Variants in DNAH11 observed in about 807,000 individuals in gnomAD.
DNAH11 encodes the protein dynein axonemal heavy chain 11, also known as axonemal beta dynein heavy chain 11.
A neutral mutation model predicts 526.0 loss-of-function variants in DNAH11; 442 were observed. The observed-to-expected ratio is 0.84, with a 90% CI of 0.78 to 0.91. DNAH11 has a LOEUF of 0.91. DNAH11 is among the 40% of genes least tolerant of loss of function. The pLI is 0.00. For missense variants in DNAH11, 6,989 were observed against 5,448.7 expected (o/e 1.28, Z -8.90); for synonymous variants, 2,461 against 1,935.9 (o/e 1.27, Z -7.12).
intron 46 of DNAH11, 108 bp downstream of exon 46, chr7:21,735,952 G>T (rs989036485): frequency 9.5e-7 from 1 of 1,047,412 alleles, no homozygotes. Context: ...TAGAGTTGTT[G>T]CTTGGGCCTT....
chr7:21,774,282 C>G (rs1217272441), intron 56 of DNAH11, among the ~76,000 whole-genome samples: 1 of 152,136 alleles, frequency 6.6e-6, no homozygotes, highest in Non-Finnish European at 1.5e-5. Context: ...TCTCTTGTCT[C>G]TGACTTCTTC....
At chr7:21,622,017 G>A (rs899162976) in intron 25 of DNAH11, among the ~76,000 whole-genome samples, 5 of 152,132 alleles carry the variant, frequency 3.3e-5, no homozygotes, top group African/African-American at 9.7e-5. Context: ...TAGGAAAAGA[G>A]GAAGTCAAAT....
At chr7:21,893,324 C>G (rs1784394860) in intron 77 of DNAH11, among the ~76,000 whole-genome samples, 4 of 150,030 alleles carry the variant, frequency 2.7e-5, no homozygotes, top group Admixed American at 2.7e-4. Flanking sequence ...TCCACTTGCT[C>G]TATCTTTTTT....
chr7:21,627,559 G>C (rs1214257193), intron 25 of DNAH11, among the ~76,000 whole-genome samples: 1 of 152,008 alleles, frequency 6.6e-6, no homozygotes, highest in Non-Finnish European at 1.5e-5. Flanking sequence ...GTATGTTCTT[G>C]GCACCTTAGT....
At position 21,739,553 on chromosome 7, in the gene DNAH11, C is replaced by T. The variant is rs147865931; in HGVS notation, c.7812-18C>T. 2 of 1,600,566 alleles carry T rather than the reference C, an allele frequency of 1.2e-6. No homozygotes were observed. The highest frequency in any genetic ancestry group is 2.3e-5 in the South Asian group (2 of 88,022). ...ATCTCCAGTTTTTGGATTTAAGGTT[C>T]TGTTTTCTGTCTTTCAGGTATGATA... On this transcript the variant is annotated intron_variant, in intron 47 of 81. Coordinates refer to ENST00000409508, the MANE Select transcript of DNAH11 (RefSeq NM_001277115.2).
intron 68 of DNAH11, among the ~76,000 whole-genome samples, chr7:21,861,042 T>C (rs1226609820): frequency 6.6e-6 from 1 of 152,172 alleles, no homozygotes; most frequent in Non-Finnish European, 1.5e-5. Flanking sequence ...GGAGCTATAA[T>C]TCAAGATGAG....
chr7:21,768,551 A>C (rs1008098314), intron 55 of DNAH11, among the ~76,000 whole-genome samples: 1 of 152,202 alleles, frequency 6.6e-6, no homozygotes, highest in Non-Finnish European at 1.5e-5. Flanking sequence ...CATGTTGACC[A>C]ACCGATGAGT....
At chr7:21,655,372 G>A (rs1781969378) in intron 28 of DNAH11, among the ~76,000 whole-genome samples, 1 of 152,186 alleles carries the variant, frequency 6.6e-6, no homozygotes. Flanking sequence ...ATCAAGGCAA[G>A]TGCGTGTTAA....
rs931956652 is a variant in DNAH11 at position 21,690,765 on chromosome 7, A to G, written c.5925A>G (p.Arg1975=). 1.9e-6 allele frequency: 3 copies of G among 1,599,296 alleles called. No homozygotes were observed. In the African/African-American group the frequency reaches 4.0e-5, roughly 21 times the overall value. ...IHDAIRNRKK[R]FVFLGEAITL... is the part of the protein sequence containing the mutation. Reference sequence around the variant, plus strand: ...TTCATCAACATTCTTTTTATGGTAGATTTGTATTTCTTGGGGAAGCTATCA... The same window carrying G: ...TTCATCAACATTCTTTTTATGGTAGGTTTGTATTTCTTGGGGAAGCTATCA... The change falls in exon 35 of 82, where the codon AGA becomes AGG. Residue 1975 remains arginine, a splice_region_variant and synonymous_variant. Coordinates refer to ENST00000409508, the MANE Select transcript of DNAH11 (RefSeq NM_001277115.2).
At chr7:21,835,511 A>G (rs1201989731) in intron 65 of DNAH11, among the ~76,000 whole-genome samples, 3 of 152,206 alleles carry the variant, frequency 2.0e-5, no homozygotes, top group Non-Finnish European at 2.9e-5. Flanking sequence ...AAGGGGAAAA[A>G]ACATACAATT....
At chr7:21,803,835 A>G (rs1361998007) in intron 62 of DNAH11, among the ~76,000 whole-genome samples, 4 of 148,566 alleles carry the variant, frequency 2.7e-5, no homozygotes, top group African/African-American at 5.1e-5. Context: ...GTCATCATTG[A>G]AGTCTGGAAA....
At chr7:21,779,153 A>C in intron 57 of DNAH11, 49 bp downstream of exon 57, 1 of 1,565,572 alleles carries the variant, frequency 6.4e-7, no homozygotes, top group Non-Finnish European at 8.7e-7. Flanking sequence ...TTAGCACAAA[A>C]TAAACCTTGG....
At chr7:21,877,919 A>G (rs935954505) in intron 74 of DNAH11, among the ~76,000 whole-genome samples, 1 of 148,330 alleles carries the variant, frequency 6.7e-6, no homozygotes, top group Non-Finnish European at 1.5e-5. Flanking sequence ...AGGAAGATGT[A>G]GTAAAGGAGT....
intron 44 of DNAH11, among the ~76,000 whole-genome samples, chr7:21,723,160 C>G (rs1006128907): frequency 2.6e-5 from 4 of 152,148 alleles, no homozygotes; most frequent in Admixed American, 2.6e-4. Context: ...TCAGGATAGC[C>G]ACTTGGTAGC....
At chr7:21,762,547 C>A (rs1263886546) in intron 54 of DNAH11, among the ~76,000 whole-genome samples, 3 of 152,082 alleles carry the variant, frequency 2.0e-5, no homozygotes, top group African/African-American at 7.2e-5. Flanking sequence ...GATAAGAAAC[C>A]CAAGAATTGA....
At chr7:21,846,378 T>C (rs1213687403) in intron 66 of DNAH11, among the ~76,000 whole-genome samples, 2 of 152,196 alleles carry the variant, frequency 1.3e-5, no homozygotes, top group Non-Finnish European at 2.9e-5. Flanking sequence ...ATCTTCTTTA[T>C]CACGTTAAGA....
At chr7:21,776,051 G>A (rs1482020488) in intron 56 of DNAH11, among the ~76,000 whole-genome samples, 2 of 152,176 alleles carry the variant, frequency 1.3e-5, no homozygotes, top group Non-Finnish European at 2.9e-5. Flanking sequence ...AAAAAGAAGA[G>A]GAGAGAGACT....
Position 21,842,692 on chromosome 7 carries a change from G to GCCCA in DNAH11, c.10841_10844dup (p.Gln3615HisfsTer11). Reference sequence around the variant, plus strand: ...CACAGTCACAGAAGATGGTCTAGAAGCCCAGCTGCTGGCAGAGGTTGTCAG... The same window carrying GCCCA: ...CACAGTCACAGAAGATGGTCTAGAAGCCCACCCAGCTGCTGGCAGAGGTTGTCAG... On this transcript the variant is annotated frameshift_variant, in exon 66 of 82. Coordinates refer to ENST00000409508, the MANE Select transcript of DNAH11 (RefSeq NM_001277115.2). LOFTEE classifies it high-confidence loss of function. The GCCCA allele has an allele frequency of 6.2e-7, 1 of 1,613,754 alleles. No homozygotes were observed.
rs561228280 is a variant in DNAH11, at chr7:21,695,940, C to A, written c.6042-2135C>A. On this transcript the variant is annotated intron_variant, in intron 35 of 81. Coordinates refer to ENST00000409508, the MANE Select transcript of DNAH11 (RefSeq NM_001277115.2). ...GGGCAAAGGATATGAACAGACACTT[C>A]TCAAAAGAAGACATTCATGTGGCCA... Among the ~76,000 whole-genome samples, 33 of 152,300 alleles carry A rather than the reference C, an allele frequency of 2.2e-4. No individual in the cohort carries two copies. The South Asian group carries it at 6.8e-3, about 32-fold the overall frequency.
Sources: gnomAD v4.1 joint callset for allele counts (sites outside exome capture counted in the v4.1 genomes callset) on GRCh38, gnomAD v4.1.1 for gene constraint, MANE v1.5 for transcripts, NCBI Gene and HGNC (gene_info 2026-07-23, HGNC 2026-07-21) for gene names.